The following PARD3B variants were observed in gnomAD, a reference collection of about 807,000 sequenced individuals.
PARD3B encodes the protein partitioning defective 3 homolog B.
A neutral mutation model predicts 130.2 loss-of-function variants in PARD3B; 103 were observed. That is an observed-to-expected ratio of 0.79 (90% confidence interval 0.67 to 0.93). PARD3B has a LOEUF of 0.93. Ranked by LOEUF, PARD3B falls within the 40% of genes least tolerant of loss-of-function variation. The pLI is 0.00. For missense variants in PARD3B, 1,609 were observed against 1,499.2 expected (o/e 1.07, Z -1.21); for synonymous variants, 583 against 553.2 (o/e 1.05, Z -0.76).
intron 2 of PARD3B, among the ~76,000 whole-genome samples, chr2:204,941,997 T>C (rs1446219486): frequency 1.3e-5 from 2 of 152,194 alleles, no homozygotes; most frequent in Non-Finnish European, 2.9e-5. Context: ...ATTCCAGAAA[T>C]ATTCACTTGT....
chr2:205,328,293 T>C (rs879829614), intron 18 of PARD3B, among the ~76,000 whole-genome samples: 19 of 152,160 alleles, frequency 1.2e-4, no homozygotes, highest in Middle Eastern at 3.2e-3. Flanking sequence ...TCTCTTATTG[T>C]CACCTTAGCC....
intron 1 of PARD3B, among the ~76,000 whole-genome samples, chr2:204,561,258 A>G (rs79610796): frequency 7.2e-5 from 11 of 152,338 alleles, no homozygotes; most frequent in African/African-American, 2.2e-4. Context: ...AGGTGTGGGA[A>G]CAACCTGGTG....
At chr2:204,699,563 TG>T (rs1330506300) in intron 2 of PARD3B, among the ~76,000 whole-genome samples, 3 of 151,638 alleles carry the variant, frequency 2.0e-5, no homozygotes, top group Non-Finnish European at 4.4e-5. Context: ...GTGTTGGGGG[TG>T]GGGGAGATAA....
intron 2 of PARD3B, among the ~76,000 whole-genome samples, chr2:204,834,173 T>C (rs2043943260): frequency 6.6e-6 from 1 of 152,216 alleles, no homozygotes; most frequent in South Asian, 2.1e-4. Context: ...TTTTCCTTTG[T>C]GGTATCTCTG....
At chr2:205,206,322 C>T (rs1172175225) in intron 15 of PARD3B, among the ~76,000 whole-genome samples, 2 of 150,304 alleles carry the variant, frequency 1.3e-5, no homozygotes, top group African/African-American at 4.9e-5. Flanking sequence ...CCCACCAACT[C>T]GTCATCTAGC....
At chr2:204,713,392 TTA>T (rs1163223386) in intron 2 of PARD3B, among the ~76,000 whole-genome samples, 6 of 142,228 alleles carry the variant, frequency 4.2e-5, no homozygotes, top group African/African-American at 1.9e-4. Context: ...AAAAATAGGT[TTA>T]TTGGGATAAA....
chr2:204,785,358 C>G (rs2041974183), intron 2 of PARD3B, among the ~76,000 whole-genome samples: 1 of 152,136 alleles, frequency 6.6e-6, no homozygotes, highest in Non-Finnish European at 1.5e-5. Context: ...CCAGCCCCTC[C>G]TTTAAACTGT....
rs1266161524 is a variant in PARD3B, at chr2:205,568,391, G to A, written c.3260+14988G>A. On this transcript the variant is annotated intron_variant, in intron 22 of 22. Coordinates refer to ENST00000406610, the MANE Select transcript of PARD3B (RefSeq NM_001302769.2). The surrounding 1 kb of genome is among the most constrained non-coding windows in gnomAD (Gnocchi z 5.3). The stretch of plus-strand genomic sequence containing the variant: ...ATAACTCTAGAAGAAGATACTTCCA[G>A]TTTCTCTTTGTTTCACTCAAATATG... Among the ~76,000 whole-genome samples the A allele has an allele frequency of 6.6e-6, 1 of 152,150 alleles. No individual in the cohort carries two copies. The highest frequency in any genetic ancestry group is 1.5e-5 in the Non-Finnish European group (1 of 68,026).
intron 16 of PARD3B, among the ~76,000 whole-genome samples, chr2:205,248,938 C>A (rs1177822217): frequency 1.3e-5 from 2 of 150,868 alleles, no homozygotes; most frequent in African/African-American, 2.4e-5. Context: ...AATCAGTTAA[C>A]TTCTTTTTGT....
intron 22 of PARD3B, among the ~76,000 whole-genome samples, chr2:205,597,146 A>T (rs965363750): frequency 2.0e-5 from 3 of 152,146 alleles, no homozygotes; most frequent in Admixed American, 2.0e-4. Context: ...GTGTCTTCCA[A>T]ATAGCGAGCA....
At chr2:205,214,364 TTAGTA>T (rs1359280337) in intron 15 of PARD3B, among the ~76,000 whole-genome samples, 1 of 152,006 alleles carries the variant, frequency 6.6e-6, no homozygotes, top group Non-Finnish European at 1.5e-5. Flanking sequence ...TTGAATTACA[TTAGTA>T]TAGAGCAATT....
chr2:205,192,512 C>A lies in PARD3B; in HGVS notation c.2025-693C>A, dbSNP rs550469106. Among the ~76,000 whole-genome samples, 195 of 152,060 alleles carry A rather than the reference C, an allele frequency of 1.3e-3. 1 individual carries two copies. The highest frequency in any genetic ancestry group is 4.5e-3 in the African/African-American group (188 of 41,490). On this transcript the variant is annotated intron_variant, in intron 14 of 22. Coordinates refer to ENST00000406610, the MANE Select transcript of PARD3B (RefSeq NM_001302769.2). ...TGTCTGTAATTCTCTTATGTAATAC[C>A]CTCTATCCTCAAGCAAAATAAATAA...
intron 1 of PARD3B, among the ~76,000 whole-genome samples, chr2:204,605,713 T>TA (rs1342157591): frequency 6.6e-6 from 1 of 152,104 alleles, no homozygotes; most frequent in Admixed American, 6.5e-5. Flanking sequence ...TTGTCATCCG[T>TA]AAAAAAGAGA....
chr2:205,421,829 T>C lies in PARD3B; in HGVS notation c.2742-18541T>C, dbSNP rs1321107359. On this transcript the variant is annotated intron_variant, in intron 19 of 22. Transcript: ENST00000406610. This position sits in a 1 kb window ranked among gnomAD's most constrained non-coding sequence, Gnocchi z 5.1. Reference sequence around the variant, plus strand: ...GCTTTTACTTGGCTGCCTATGTTCCTGGCTCATGGCTCCTTCTGCCATTTT... The same window carrying C: ...GCTTTTACTTGGCTGCCTATGTTCCCGGCTCATGGCTCCTTCTGCCATTTT... Among the ~76,000 whole-genome samples the C allele has an allele frequency of 6.6e-6, 1 of 152,244 alleles. No homozygotes were observed. Among genetic ancestry groups the C allele is most frequent in the Non-Finnish European group, 1.5e-5 (1 of 68,050 alleles).
At chr2:205,476,134 G>A (rs1001038300) in intron 20 of PARD3B, among the ~76,000 whole-genome samples, 4 of 152,134 alleles carry the variant, frequency 2.6e-5, no homozygotes, top group African/African-American at 4.8e-5. Flanking sequence ...AAGGTTCAGT[G>A]TCCACAAGCT....
intron 10 of PARD3B, among the ~76,000 whole-genome samples, chr2:205,131,134 A>C (rs1329114769): frequency 6.6e-6 from 1 of 152,210 alleles, no homozygotes; most frequent in African/African-American, 2.4e-5. Context: ...TGGCTATTTG[A>C]TTCAAATGAT....
At chr2:204,630,655 A>G (rs925354117) in intron 1 of PARD3B, among the ~76,000 whole-genome samples, 1 of 152,168 alleles carries the variant, frequency 6.6e-6, no homozygotes, top group Admixed American at 6.5e-5. Context: ...CACGATAAAG[A>G]GTTGTGATGG....
At chr2:205,177,545 A>C (rs988588154) in intron 13 of PARD3B, among the ~76,000 whole-genome samples, 2 of 152,214 alleles carry the variant, frequency 1.3e-5, no homozygotes, top group African/African-American at 4.8e-5. Context: ...TTATGTAATC[A>C]GTCCCTATAT....
rs891237559 is a variant in PARD3B, at chr2:204,747,376, G to T, written c.222+61094G>T. Among the ~76,000 whole-genome samples, 59 of 152,232 alleles carry T rather than the reference G, an allele frequency of 3.9e-4. 1 individual carries two copies. The highest frequency in any genetic ancestry group is 3.4e-3 in the Middle Eastern group (1 of 294). On this transcript the variant is annotated intron_variant, in intron 2 of 22. Coordinates refer to ENST00000406610, the MANE Select transcript of PARD3B (RefSeq NM_001302769.2). ...ATACCTAGGAATCCAACTTACAAGG[G>T]ATGTGAAGGACCTCTTCAAGGGGAA... is the stretch of plus-strand genomic sequence containing the variant.
Sources: allele counts gnomAD v4.1 joint callset (sites outside exome capture counted in the v4.1 genomes callset), GRCh38; gene constraint gnomAD v4.1.1; non-coding constraint Gnocchi (gnomAD v3.1); transcripts MANE v1.5; gene names NCBI Gene and HGNC (gene_info 2026-07-23, HGNC 2026-07-21).